Variants in SPAG16 observed in about 807,000 individuals in gnomAD.
SPAG16 encodes the protein sperm associated antigen 16, also known as sperm-associated antigen 16 protein.
Under a neutral mutation model 80.4 loss-of-function variants are expected in SPAG16, and 86 were observed. The ratio of observed to expected loss-of-function variants is 1.07; its 90% CI spans 0.90 to 1.28. The LOEUF (loss-of-function observed/expected upper bound fraction) is 1.28, where lower values mean the gene tolerates loss of function less well. Ranked by LOEUF, SPAG16 falls within the 50% of genes most tolerant of loss-of-function variation. The pLI is 0.00. For synonymous variants in SPAG16, 294 were observed against 265.9 expected (o/e 1.11, Z -1.03); for missense variants, 870 against 765.3 (o/e 1.14, Z -1.61).
chr2:213,561,701 T>G (rs2125983431), intron 10 of SPAG16, among the ~76,000 whole-genome samples: 1 of 152,326 alleles, frequency 6.6e-6, no homozygotes, highest in South Asian at 2.1e-4. Flanking sequence ...TTGTTTGTTT[T>G]ATTTCAACAA....
At position 213,808,321 on chromosome 2, in the gene SPAG16, G is replaced by A. The variant is rs191024071; in HGVS notation, c.1071-54164G>A. Among the ~76,000 whole-genome samples the A allele has an allele frequency of 2.6e-5, 4 of 152,138 alleles. No homozygotes were observed. The East Asian group carries it at 7.7e-4, about 29-fold the overall frequency. On this transcript the variant is annotated intron_variant, in intron 10 of 15. Transcript: ENST00000331683. ...CAACAAATGCAAAGATCCTAAGGCA[G>A]AAACTAAAAAACGAAAGAACAGCCA...
chr2:213,879,326 G>T (rs771424224), intron 11 of SPAG16, among the ~76,000 whole-genome samples: 6 of 150,968 alleles, frequency 4.0e-5, no homozygotes, highest in Admixed American at 6.6e-5. Flanking sequence ...TTCTTTCATC[G>T]GTGTTTTGTA....
intron 15 of SPAG16, among the ~76,000 whole-genome samples, chr2:214,378,335 AGCAAGAAGAT>A (rs1700251037): frequency 6.6e-6 from 1 of 152,240 alleles, no homozygotes; most frequent in Non-Finnish European, 1.5e-5. Flanking sequence ...ATAATAGGAT[AGCAAGAAGAT>A]GCATTGGCTT....
intron 15 of SPAG16, among the ~76,000 whole-genome samples, chr2:214,176,496 A>C (rs750359600): frequency 3.3e-5 from 5 of 151,294 alleles, no homozygotes; most frequent in Non-Finnish European, 7.4e-5. Context: ...GGTCTTTCAA[A>C]GATTTATTTT....
chr2:213,793,905 T>G (rs1173897960), intron 10 of SPAG16, among the ~76,000 whole-genome samples: 1 of 152,160 alleles, frequency 6.6e-6, no homozygotes, highest in Non-Finnish European at 1.5e-5. Context: ...CAGTGGATTA[T>G]GAATATATAT....
chr2:214,359,337 A>G (rs192040174), intron 15 of SPAG16, among the ~76,000 whole-genome samples: 1 of 151,976 alleles, frequency 6.6e-6, no homozygotes, highest in Admixed American at 6.6e-5. Flanking sequence ...CAGATCCTAT[A>G]CCCTTACTAT....
intron 10 of SPAG16, among the ~76,000 whole-genome samples, chr2:213,826,748 T>G (rs1337326825): frequency 6.6e-6 from 1 of 152,046 alleles, no homozygotes; most frequent in Non-Finnish European, 1.5e-5. Context: ...TAATATCTGT[T>G]AGGTCCATTT....
intron 11 of SPAG16, among the ~76,000 whole-genome samples, chr2:213,882,881 G>GT (rs2076399410): frequency 2.0e-5 from 3 of 151,834 alleles, no homozygotes; most frequent in East Asian, 3.9e-4. Context: ...TTTTGTTTTT[G>GT]TTTTTTTGAG....
intron 9 of SPAG16, among the ~76,000 whole-genome samples, chr2:213,391,459 A>G (rs1415743156): frequency 6.6e-6 from 1 of 152,162 alleles, no homozygotes; most frequent in African/African-American, 2.4e-5. Context: ...CCTAATATGT[A>G]TTTTAGATCC....
intron 11 of SPAG16, among the ~76,000 whole-genome samples, chr2:213,885,373 A>G (rs1309020135): frequency 2.6e-5 from 4 of 152,198 alleles, no homozygotes; most frequent in Admixed American, 2.6e-4. Context: ...TGTGTTGGGA[A>G]GAGAGTTCAC....
intron 10 of SPAG16, among the ~76,000 whole-genome samples, chr2:213,536,898 G>T (rs886907133): frequency 6.6e-6 from 1 of 151,926 alleles, no homozygotes; most frequent in Non-Finnish European, 1.5e-5. Context: ...CAATAGCAAA[G>T]ACTTGGAACC....
chr2:213,449,163 T>C (rs1218230947), intron 9 of SPAG16, among the ~76,000 whole-genome samples: 1 of 152,158 alleles, frequency 6.6e-6, no homozygotes, highest in Non-Finnish European at 1.5e-5. Flanking sequence ...CTCCCTGGTC[T>C]CCTGCAGAAC....
intron 15 of SPAG16, among the ~76,000 whole-genome samples, chr2:214,354,474 C>A (rs1187705425): frequency 6.6e-6 from 1 of 151,986 alleles, no homozygotes; most frequent in Non-Finnish European, 1.5e-5. Flanking sequence ...ATTGACTTGG[C>A]AATGCAGGCT....
chr2:214,083,681 A>G (rs905483131), intron 13 of SPAG16, among the ~76,000 whole-genome samples: 9 of 152,112 alleles, frequency 5.9e-5, no homozygotes, highest in Admixed American at 5.9e-4. Context: ...CTTTTTTTAA[A>G]AAATAAATTC....
intron 9 of SPAG16, among the ~76,000 whole-genome samples, chr2:213,421,718 T>C (rs1419058049): frequency 3.3e-5 from 5 of 152,066 alleles, no homozygotes. Flanking sequence ...CACACAGACA[T>C]TAAAACTACC....
chr2:213,362,500 A>G (rs1176467086), intron 7 of SPAG16, among the ~76,000 whole-genome samples: 1 of 152,160 alleles, frequency 6.6e-6, no homozygotes, highest in Non-Finnish European at 1.5e-5. Flanking sequence ...AAACCTGTCA[A>G]CCTTCTCATC....
At chr2:213,694,700 C>T (rs916689095) in intron 10 of SPAG16, among the ~76,000 whole-genome samples, 1 of 148,948 alleles carries the variant, frequency 6.7e-6, no homozygotes, top group Non-Finnish European at 1.5e-5. Context: ...CATTGACCCA[C>T]CCTTCCTTCC....
chr2:213,485,081 G>C (rs113287985), intron 9 of SPAG16, among the ~76,000 whole-genome samples: 9 of 150,814 alleles, frequency 6.0e-5, no homozygotes, highest in African/African-American at 2.2e-4. Flanking sequence ...TGCAACCTTC[G>C]CCTCCTGGGC....
At chr2:213,565,625 G>C (rs1000493046) in intron 10 of SPAG16, among the ~76,000 whole-genome samples, 3 of 152,174 alleles carry the variant, frequency 2.0e-5, no homozygotes, top group Non-Finnish European at 2.9e-5. Flanking sequence ...TGGAAGCTGA[G>C]AGGTTGAGAA....
Sources: allele counts gnomAD v4.1 joint callset (sites outside exome capture counted in the v4.1 genomes callset), GRCh38; gene constraint gnomAD v4.1.1; transcripts MANE v1.5; gene names NCBI Gene and HGNC (gene_info 2026-07-23, HGNC 2026-07-21).